The following ITSN2 variants were observed in gnomAD, a reference collection of about 807,000 sequenced individuals.
The protein encoded by ITSN2 is intersectin-2.
ITSN2 carries 156 observed loss-of-function variants against 243.7 expected under a neutral mutation model. The observed-to-expected ratio is 0.64, with a 90% CI of 0.56 to 0.73. The LOEUF (loss-of-function observed/expected upper bound fraction) is 0.73, where lower values mean the gene tolerates loss of function less well. ITSN2 is among the 30% of genes least tolerant of loss of function. The pLI is 0.00. For synonymous variants in ITSN2, 703 were observed against 699.9 expected (o/e 1.00, Z -0.07); for missense variants, 1,801 against 1,996.1 (o/e 0.90, Z 1.86).
chr2:24,231,822 G>A (rs963391431), intron 29 of ITSN2, among the ~76,000 whole-genome samples: 5 of 152,194 alleles, frequency 3.3e-5, no homozygotes, highest in Non-Finnish European at 7.3e-5. Context: ...GGGGAGCAGT[G>A]CCGGTGAACA....
Position 24,249,996 on chromosome 2 carries a change from T to C in ITSN2, c.3121-1114A>G, listed in dbSNP as rs980658406. 2.6e-5 allele frequency among the ~76,000 whole-genome samples: 4 copies of C among 152,186 alleles called. No individual in the cohort carries two copies. The highest frequency in any genetic ancestry group is 9.7e-5 in the African/African-American group (4 of 41,442). On this transcript the variant is annotated intron_variant, in intron 25 of 39. Transcript: ENST00000355123. This position sits in a 1 kb window ranked among gnomAD's most constrained non-coding sequence, Gnocchi z 4.4. ...GGCACCAAATGACACTGAAGTATGG[T>C]AGTGTTCTTCACCGCCATGCACTCA... is the stretch of plus-strand genomic sequence containing the variant.
At chr2:24,327,172 A>T (rs186831541) in intron 2 of ITSN2, among the ~76,000 whole-genome samples, 1 of 152,302 alleles carries the variant, frequency 6.6e-6, no homozygotes. Flanking sequence ...TAAATGACAA[A>T]CACAGTAACT....
chr2:24,232,295 C>T (rs990692624), intron 29 of ITSN2, among the ~76,000 whole-genome samples: 6 of 152,170 alleles, frequency 3.9e-5, no homozygotes, highest in African/African-American at 2.4e-5. Context: ...TAGTCATATT[C>T]TAGAATTTCC....
intron 37 of ITSN2, among the ~76,000 whole-genome samples, chr2:24,206,031 A>C (rs1388672099): frequency 6.6e-6 from 1 of 152,182 alleles, no homozygotes; most frequent in African/African-American, 2.4e-5. Flanking sequence ...AGTAATTGAC[A>C]AATGTGGGAA....
intron 1 of ITSN2, among the ~76,000 whole-genome samples, chr2:24,339,302 CT>C (rs1373334102): frequency 2.0e-5 from 2 of 99,094 alleles, no homozygotes; most frequent in Non-Finnish European, 4.6e-5. Context: ...GAAACTCCAT[CT>C]CTACAAAAAA....
chr2:24,203,681 C>G lies in ITSN2; in HGVS notation c.5039G>C (p.Gly1680Ala), dbSNP rs374322800. 1.2e-6 allele frequency: 2 copies of G among 1,614,180 alleles called. No homozygotes were observed. The highest frequency in any genetic ancestry group is 1.7e-6 in the Non-Finnish European group (2 of 1,180,042). Residue 1680 changes from glycine (G) to alanine (A), a missense_variant, in exon 40 of 40, where the codon GGG becomes GCG. Coordinates refer to ENST00000355123, the MANE Select transcript of ITSN2 (RefSeq NM_006277.3). ...RRLLLHEVPT[G>A]EVWVRFDLQL... is the part of the protein sequence containing the mutation. ...CAGGTCAAAACGGACCCAGACCTCC[C>G]CGGTGGGGACCTCATGCAGCAGCAG...
At chr2:24,300,243 A>G in intron 11 of ITSN2, 72 bp from the exon 12 acceptor site, 2 of 1,432,154 alleles carry the variant, frequency 1.4e-6, no homozygotes, top group Non-Finnish European at 9.6e-7. Flanking sequence ...GTTTCTATAT[A>G]CTTATGCCTT....
chr2:24,297,652 T>C (rs1476018444), intron 13 of ITSN2, among the ~76,000 whole-genome samples: 1 of 152,118 alleles, frequency 6.6e-6, no homozygotes, highest in Non-Finnish European at 1.5e-5. Context: ...GGAGAGAAAA[T>C]CACTGTTCTG....
chr2:24,273,284 T>C (rs1485957005), intron 18 of ITSN2, among the ~76,000 whole-genome samples: 1 of 152,210 alleles, frequency 6.6e-6, no homozygotes, highest in Non-Finnish European at 1.5e-5. Context: ...TATCATGTCA[T>C]AGAATGCTTC....
At chr2:24,324,179 C>G (rs1197414480) in intron 2 of ITSN2, among the ~76,000 whole-genome samples, 1 of 152,158 alleles carries the variant, frequency 6.6e-6, no homozygotes, top group Non-Finnish European at 1.5e-5. Context: ...TTGCAGTGAG[C>G]AGAGATCATG....
At chr2:24,304,549 C>T (rs1320675808) in intron 8 of ITSN2, among the ~76,000 whole-genome samples, 1 of 152,110 alleles carries the variant, frequency 6.6e-6, no homozygotes, top group African/African-American at 2.4e-5. Flanking sequence ...ATTAAACTCA[C>T]AGCCTCGCCC....
chr2:24,301,049 C>T (rs941304338), intron 11 of ITSN2, 105 bp downstream of exon 11: 8 of 608,976 alleles, frequency 1.3e-5, no homozygotes, highest in African/African-American at 1.3e-4. Context: ...TCTCATATAG[C>T]ACATCAAATA....
At chr2:24,287,947 C>G (rs957364508) in intron 15 of ITSN2, among the ~76,000 whole-genome samples, 6 of 152,090 alleles carry the variant, frequency 3.9e-5, no homozygotes. Flanking sequence ...AACCACTTAT[C>G]AGATACATGG....
At chr2:24,203,866 T>A (rs901208744) in intron 39 of ITSN2, 83 bp from the exon 40 acceptor site, 11 of 1,410,548 alleles carry the variant, frequency 7.8e-6, no homozygotes, top group Admixed American at 2.1e-5. Flanking sequence ...AGTGGATTCA[T>A]AAAACCTTCA....
intron 29 of ITSN2, among the ~76,000 whole-genome samples, chr2:24,228,729 C>T (rs1671287757): frequency 6.6e-6 from 1 of 152,036 alleles, no homozygotes; most frequent in Non-Finnish European, 1.5e-5. Flanking sequence ...GACAGAAGTC[C>T]CTGTGTCAGC....
chr2:24,324,100 T>A (rs1684885660), intron 2 of ITSN2, among the ~76,000 whole-genome samples: 1 of 152,082 alleles, frequency 6.6e-6, no homozygotes, highest in East Asian at 1.9e-4. Context: ...GGCGTGGTGG[T>A]GAGCGCCTGT....
At chr2:24,220,616 T>C (rs893361237) in intron 30 of ITSN2, 2 of 1,190,064 alleles carry the variant, frequency 1.7e-6, no homozygotes, top group African/African-American at 1.6e-5. Flanking sequence ...CCATAGGCCC[T>C]TCCCATCCAC....
rs369141564 is a variant in ITSN2, at chr2:24,266,251, CT to C, written c.2355+4419del. ...ATATTTTGTACAGTAATACACATTT[CT>C]TTTTTTTCCTAGACTGTGGTCTCCT... On this transcript the variant is annotated intron_variant, in intron 20 of 39. Transcript: ENST00000355123. Among the ~76,000 whole-genome samples the C allele has an allele frequency of 2.0e-3, 306 of 152,038 alleles. 2 individuals are homozygous for C. The highest frequency in any genetic ancestry group is 7.3e-3 in the African/African-American group (304 of 41,490).
chr2:24,261,314 A>C, intron 21 of ITSN2, 64 bp from the exon 22 acceptor site: 1 of 1,220,742 alleles, frequency 8.2e-7, no homozygotes, highest in East Asian at 2.4e-5. Context: ...AGTACTACCA[A>C]TTTATCAACT....
Sources: allele counts gnomAD v4.1 joint callset (sites outside exome capture counted in the v4.1 genomes callset), GRCh38; gene constraint gnomAD v4.1.1; non-coding constraint Gnocchi (gnomAD v3.1); transcripts MANE v1.5; gene names NCBI Gene and HGNC (gene_info 2026-07-23, HGNC 2026-07-21).